The following C9orf43 variants were observed in gnomAD, a reference collection of about 807,000 sequenced individuals.
The protein encoded by C9orf43 is uncharacterized protein C9orf43.
A neutral mutation model predicts 59.1 loss-of-function variants in C9orf43; 45 were observed. That is an observed-to-expected ratio of 0.76 (90% CI 0.60 to 0.98). The LOEUF (loss-of-function observed/expected upper bound fraction) is 0.98. Ranked by LOEUF, C9orf43 falls within the 50% of genes least tolerant of loss-of-function variation. The probability of loss-of-function intolerance (pLI) is 0.00; values close to 1 mark genes in which losing one functional copy is unlikely to be tolerated. For synonymous variants in C9orf43, 203 were observed against 196.8 expected (o/e 1.03, Z -0.26); for missense variants, 533 against 554.9 (o/e 0.96, Z 0.40).
intron 4 of C9orf43, among the ~76,000 whole-genome samples, chr9:113,420,176 C>A (rs1296336627): frequency 6.6e-6 from 1 of 152,106 alleles, no homozygotes; most frequent in Non-Finnish European, 1.5e-5. Flanking sequence ...TCATTGTAGC[C>A]TCAAACTCCT....
At chr9:113,420,623 G>T (rs533244722) in intron 4 of C9orf43, 1 of 272,606 alleles carries the variant, frequency 3.7e-6, no homozygotes, top group Admixed American at 6.5e-5. Flanking sequence ...ATCCTAAATA[G>T]CTAAATGTGA....
At chr9:113,427,408 C>G (rs1828831896) in intron 11 of C9orf43, among the ~76,000 whole-genome samples, 1 of 152,182 alleles carries the variant, frequency 6.6e-6, no homozygotes, top group Admixed American at 6.5e-5. Flanking sequence ...AACTCCCAAC[C>G]TCAGGTGATC....
Position 113,413,609 on chromosome 9 carries a change from T to C in C9orf43, c.116T>C (p.Leu39Pro). The part of the protein sequence containing the change: ...RRIERGHPRI[L>P]GSSCKTPLDA... ...ATTGAGAGGGGCCATCCTCGAATCC[T>C]CGGCTCATCCTGCAAAACTCCCCTG... The change falls in exon 2 of 14, where the codon CTC becomes CCC. Residue 39 changes from leucine (L) to proline (P), a missense_variant. By Grantham distance (98) the Leu-to-Pro change is moderately conservative (BLOSUM62 -3). Coordinates refer to ENST00000374165, the MANE Select transcript of C9orf43 (RefSeq NM_001278629.2). The C allele has an allele frequency of 6.2e-7, 1 of 1,614,216 alleles. No individual in the cohort carries two copies. The highest frequency in any genetic ancestry group is 8.5e-7 in the Non-Finnish European group (1 of 1,180,016).
intron 4 of C9orf43, among the ~76,000 whole-genome samples, chr9:113,420,280 A>G (rs920993384): frequency 1.1e-4 from 16 of 152,086 alleles, no homozygotes; most frequent in African/African-American, 3.9e-4. Flanking sequence ...TTTTGTAGAA[A>G]CAGGGTCTCA....
chr9:113,421,244 A>C (rs902633254), intron 5 of C9orf43, 41 bp downstream of exon 5: 3 of 1,418,906 alleles, frequency 2.1e-6, no homozygotes, highest in Non-Finnish European at 1.0e-6. Context: ...TTGACTCTAT[A>C]AATCCCTGAT....
rs141883275 is a variant in C9orf43, at chr9:113,423,475, G to A, written c.633G>A (p.Ala211=). 140 of 1,613,824 alleles carry A rather than the reference G, an allele frequency of 8.7e-5. No individual in the cohort carries two copies. In the African/African-American group the frequency reaches 1.1e-3, roughly 13 times the overall value. The change falls in exon 7 of 14, where the codon GCG becomes GCA. Residue 211 remains alanine (A), a synonymous_variant. Transcript: ENST00000374165. ...DFLPLWAQSE[A]LPQDLLKELL... is the part of the protein sequence containing the mutation. The stretch of plus-strand genomic sequence containing the variant: ...TACCTCTCTGGGCTCAATCCGAAGC[G>A]TTACCTCAGGATCTACTGAAGGAGT...
intron 5 of C9orf43, 61 bp from the exon 6 acceptor site, chr9:113,422,488 C>G: frequency 6.3e-7 from 1 of 1,597,826 alleles, no homozygotes; most frequent in South Asian, 1.1e-5. Flanking sequence ...GTTGTGCTTA[C>G]TCTTATTTCA....
At chr9:113,421,443 A>G (rs949290296) in intron 5 of C9orf43, among the ~76,000 whole-genome samples, 1 of 151,818 alleles carries the variant, frequency 6.6e-6, no homozygotes, top group African/African-American at 2.4e-5. Context: ...TAAATAGCAT[A>G]CAAGATAGGG....
chr9:113,424,137 A>T lies in C9orf43; in HGVS notation c.657-29A>T, dbSNP rs528759702. On this transcript the variant is annotated intron_variant, in intron 7 of 13. Transcript: ENST00000374165. ...TGCTTTCCGGGAAGAGCTGTTGCTG[A>T]CTGTCTGGCTGTCCTCTGTCCCCTT... 1.4e-4 allele frequency: 223 copies of T among 1,555,296 alleles called. 2 individuals carry two copies. In the South Asian group the frequency reaches 2.6e-3, roughly 18 times the overall value.
At chr9:113,420,444 A>G (rs1297709049) in intron 4 of C9orf43, among the ~76,000 whole-genome samples, 1 of 152,244 alleles carries the variant, frequency 6.6e-6, no homozygotes, top group African/African-American at 2.4e-5. Context: ...TTTAAATTCA[A>G]AAAGCATTAA....
chr9:113,411,525 T>C (rs1419381231), intron 1 of C9orf43, among the ~76,000 whole-genome samples: 2 of 152,130 alleles, frequency 1.3e-5, no homozygotes, highest in Non-Finnish European at 2.9e-5. Context: ...GGTCTCGATC[T>C]CCTGACCTCG....
chr9:113,418,371 T>TTGTAGTATATAC (rs1254818273), intron 3 of C9orf43, among the ~76,000 whole-genome samples: 5 of 152,212 alleles, frequency 3.3e-5, no homozygotes, highest in African/African-American at 1.2e-4. Context: ...GTTTCCAGTG[T>TTGTAGTATATAC]TGTAGTATAT....
At chr9:113,429,115 A>G in intron 13 of C9orf43, 57 bp from the exon 14 acceptor site, 3 of 1,569,860 alleles carry the variant, frequency 1.9e-6, no homozygotes, top group Non-Finnish European at 2.6e-6. Context: ...TCTGTCCTCC[A>G]TTTGTTGTAG....
chr9:113,417,588 G>A (rs1828413173), intron 3 of C9orf43, among the ~76,000 whole-genome samples: 1 of 152,226 alleles, frequency 6.6e-6, no homozygotes, highest in African/African-American at 2.4e-5. Context: ...ACCAGAAAGG[G>A]TTCCCAAGTC....
intron 3 of C9orf43, 70 bp from the exon 4 acceptor site, chr9:113,419,038 C>T: frequency 8.0e-7 from 1 of 1,253,270 alleles, no homozygotes; most frequent in Non-Finnish European, 1.1e-6. Context: ...AGGATTTCCT[C>T]ATAGCACTAA....
In C9orf43 at chr9:113,424,300, A is replaced by G; in HGVS notation, c.791A>G (p.His264Arg). The change falls in exon 8 of 14, where the codon CAC becomes CGC. Residue 264 changes from histidine (H) to arginine (R), a missense_variant. Coordinates refer to ENST00000374165, the MANE Select transcript of C9orf43 (RefSeq NM_001278629.2). ...VISSKMFLSI[H>R]RLTLERPALR... ...TCTTCTAAGATGTTTCTATCTATAC[A>G]CCGCCTCACCCTGGAAGTAAGAGCT... is the stretch of plus-strand genomic sequence containing the variant. 2 of 1,611,624 alleles carry G rather than the reference A, an allele frequency of 1.2e-6. No individual in the cohort carries two copies. The highest frequency in any genetic ancestry group is 1.7e-6 in the Non-Finnish European group (2 of 1,179,168).
In C9orf43 at chr9:113,424,367, A is replaced by C. The variant is rs376222703; in HGVS notation, c.807+51A>C. ...GAAGCCTATGTGAAAATTCAAACCC[A>C]TCTCTCCTCAAATCTGGAAGAGTTG... On this transcript the variant is annotated intron_variant, in intron 8 of 13. Transcript: ENST00000374165. 1.4e-4 allele frequency: 210 copies of C among 1,537,786 alleles called. 2 individuals are homozygous for C. Among genetic ancestry groups the C allele is most frequent in the Non-Finnish European group, 1.6e-4 (187 of 1,141,440 alleles).
intron 5 of C9orf43, among the ~76,000 whole-genome samples, chr9:113,422,023 G>C (rs1250192402): frequency 6.6e-6 from 1 of 152,138 alleles, no homozygotes; most frequent in African/African-American, 2.4e-5. Flanking sequence ...CTTCTAAGGA[G>C]TTTCATGGCT....
intron 12 of C9orf43, 34 bp downstream of exon 12, chr9:113,428,257 G>A (rs1398188312): frequency 6.3e-7 from 1 of 1,585,620 alleles, no homozygotes; most frequent in Admixed American, 1.7e-5. Context: ...CTAGGACCCA[G>A]TTTCAGTTAT....
Sources: allele counts gnomAD v4.1 joint callset (sites outside exome capture counted in the v4.1 genomes callset), GRCh38; gene constraint gnomAD v4.1.1; transcripts MANE v1.5; gene names NCBI Gene and HGNC (gene_info 2026-07-23, HGNC 2026-07-21).